The following PCDH15 variants were observed in gnomAD, a reference collection of about 807,000 sequenced individuals.
PCDH15 encodes protocadherin-15.
PCDH15 carries 129 observed loss-of-function variants against 178.5 expected under a neutral mutation model. That is an observed-to-expected ratio of 0.72 (90% confidence interval 0.63 to 0.84). PCDH15 has a LOEUF of 0.84. Among genes scored for constraint, PCDH15 ranks in the 40% least tolerant of loss-of-function variants. PCDH15 has a pLI of 0.00. For missense variants in PCDH15, 2,230 were observed against 2,099.9 expected (o/e 1.06, Z -1.21); for synonymous variants, 800 against 732.0 (o/e 1.09, Z -1.50).
intron 1 of PCDH15, among the ~76,000 whole-genome samples, chr10:55,177,323 G>T (rs1452264475): frequency 1.3e-5 from 2 of 152,130 alleles, no homozygotes; most frequent in African/African-American, 4.8e-5. Context: ...AGGCTAAAAG[G>T]GTCTTTGACC....
chr10:53,805,101 A>G lies in PCDH15; in HGVS notation c.*1478T>C, dbSNP rs1841068946. On this transcript the variant is annotated 3_prime_UTR_variant, in exon 38 of 38. Coordinates refer to ENST00000644397, the MANE Select transcript of PCDH15 (RefSeq NM_001384140.1). ...AAGTTTATGTCAGTACAATTCATTC[A>G]CTTTGGAAATGAGGAAATAGCATAA... The G allele has an allele frequency of 1.3e-5, 2 of 152,030 alleles. No homozygotes were observed. The highest frequency in any genetic ancestry group is 2.1e-4 in the South Asian group (1 of 4,830). 9.4% of individuals were successfully genotyped at this position (152,030 alleles called of 1,614,324 possible).
intron 1 of PCDH15, among the ~76,000 whole-genome samples, chr10:55,267,915 A>G (rs1842342707): frequency 6.6e-6 from 1 of 152,126 alleles, no homozygotes; most frequent in South Asian, 2.1e-4. Flanking sequence ...TAGTTGTCCA[A>G]TTGTCATGTC....
At chr10:55,220,587 A>C (rs561447842) in intron 1 of PCDH15, among the ~76,000 whole-genome samples, 1 of 152,210 alleles carries the variant, frequency 6.6e-6, no homozygotes, top group East Asian at 1.9e-4. Flanking sequence ...TAAGCTAAAA[A>C]TCTGTACAGC....
chr10:55,459,209 T>A (rs1287850640), intron 2 of PCDH15, among the ~76,000 whole-genome samples: 1 of 131,098 alleles, frequency 7.6e-6, no homozygotes. Flanking sequence ...AGAGGGCAAT[T>A]AGCAGCCGAG....
chr10:55,095,574 T>C (rs1323057436), intron 2 of PCDH15, among the ~76,000 whole-genome samples: 1 of 152,076 alleles, frequency 6.6e-6, no homozygotes, highest in East Asian at 1.9e-4. Flanking sequence ...AGTTTAGATA[T>C]TGTAGAGGTT....
chr10:54,638,873 A>T (rs943467655), intron 2 of PCDH15, among the ~76,000 whole-genome samples: 5 of 151,626 alleles, frequency 3.3e-5, no homozygotes, highest in Middle Eastern at 3.4e-3. Flanking sequence ...TAACGAAATT[A>T]TGTTTTTTTT....
intron 2 of PCDH15, among the ~76,000 whole-genome samples, chr10:54,595,972 G>A (rs116466394): frequency 0.013 from 1,923 of 152,126 alleles, 43 homozygotes; most frequent in African/African-American, 0.044. Context: ...AATATATAAA[G>A]AGACCAATAT....
chr10:53,842,334 G>A lies in PCDH15; in HGVS notation c.3807-1838C>T, dbSNP rs748847110. ...TGCAATGGGGCAATCTCGGCTCACT[G>A]CAACCTCCACCTCCCGGGTTCAAGG... On this transcript the variant is annotated intron_variant, in intron 28 of 37. Transcript: ENST00000644397. 7.2e-5 allele frequency among the ~76,000 whole-genome samples: 11 copies of A among 152,118 alleles called. No individual in the cohort carries two copies. In the East Asian group the frequency reaches 1.6e-3, roughly 22 times the overall value.
intron 3 of PCDH15, among the ~76,000 whole-genome samples, chr10:54,458,813 G>A (rs144211561): frequency 1.3e-5 from 2 of 152,070 alleles, no homozygotes; most frequent in East Asian, 1.9e-4. Flanking sequence ...CCAGGGTCAC[G>A]TACTAGCTGT....
chr10:54,033,368 A>C (rs7476036), intron 18 of PCDH15, among the ~76,000 whole-genome samples: 2 of 151,646 alleles, frequency 1.3e-5, no homozygotes, highest in South Asian at 2.1e-4. Flanking sequence ...CTTTATACAT[A>C]AGAAAAGTAA....
At chr10:54,653,083 A>G (rs1468911237) in intron 2 of PCDH15, among the ~76,000 whole-genome samples, 1 of 152,214 alleles carries the variant, frequency 6.6e-6, no homozygotes, top group Admixed American at 6.5e-5. Context: ...TGATAACCCT[A>G]TGAGAGAGGT....
chr10:55,314,579 C>CAAA (rs35643186), intron 1 of PCDH15, among the ~76,000 whole-genome samples: 11 of 148,532 alleles, frequency 7.4e-5, no homozygotes, highest in African/African-American at 2.5e-4. Flanking sequence ...GCTCTCTAAA[C>CAAA]AAAAAAAAAA....
intron 1 of PCDH15, among the ~76,000 whole-genome samples, chr10:55,188,868 C>T (rs1294134668): frequency 6.6e-6 from 1 of 151,504 alleles, no homozygotes; most frequent in Non-Finnish European, 1.5e-5. Context: ...TATTTGCTTC[C>T]TGAAGAACTT....
At chr10:55,074,425 T>C (rs1167537174) in intron 2 of PCDH15, among the ~76,000 whole-genome samples, 1 of 152,202 alleles carries the variant, frequency 6.6e-6, no homozygotes, top group Non-Finnish European at 1.5e-5. Flanking sequence ...TGAGATGGTA[T>C]CTCATTGTGG....
At chr10:54,690,377 C>A (rs2095099248) in intron 1 of PCDH15, among the ~76,000 whole-genome samples, 1 of 147,192 alleles carries the variant, frequency 6.8e-6, no homozygotes, top group African/African-American at 2.5e-5. Flanking sequence ...TGCAGTGGCA[C>A]CATCTCGGCT....
intron 1 of PCDH15, among the ~76,000 whole-genome samples, chr10:55,287,872 A>G (rs1050925111): frequency 2.0e-5 from 3 of 151,898 alleles, no homozygotes; most frequent in Non-Finnish European, 4.4e-5. Context: ...TATTTCAGCC[A>G]CACCAAATTA....
chr10:53,809,221 C>T (rs369664517), intron 37 of PCDH15: 2 of 1,613,930 alleles, frequency 1.2e-6, no homozygotes, highest in Non-Finnish European at 1.7e-6. Context: ...CTCTTCTTCA[C>T]TGTATTCAGT....
At chr10:54,738,525 T>C (rs1387085680) in intron 1 of PCDH15, among the ~76,000 whole-genome samples, 1 of 151,996 alleles carries the variant, frequency 6.6e-6, no homozygotes, top group Non-Finnish European at 1.5e-5. Flanking sequence ...TTTCAAAAAA[T>C]TGAAGTGGAG....
At chr10:54,447,773 T>C (rs1275672093) in intron 3 of PCDH15, among the ~76,000 whole-genome samples, 1 of 151,746 alleles carries the variant, frequency 6.6e-6, no homozygotes, top group Non-Finnish European at 1.5e-5. Context: ...AGGCTTGAAT[T>C]CTTGGCTACT....
Sources: allele counts gnomAD v4.1 joint callset (sites outside exome capture counted in the v4.1 genomes callset), GRCh38; gene constraint gnomAD v4.1.1; transcripts MANE v1.5; gene names NCBI Gene and HGNC (gene_info 2026-07-23, HGNC 2026-07-21).